Variants in ASTN1 observed in about 807,000 individuals in gnomAD.
The protein encoded by ASTN1 is astrotactin-1.
A neutral mutation model predicts 140.7 loss-of-function variants in ASTN1; 41 were observed. That is an observed-to-expected ratio of 0.29 (90% CI 0.23 to 0.38). The LOEUF (loss-of-function observed/expected upper bound fraction) is 0.38, where lower values mean the gene tolerates loss of function less well. Ranked by LOEUF, ASTN1 falls within the 10% of genes least tolerant of loss-of-function variation. ASTN1 has a pLI of 1.00. For missense variants in ASTN1, 1,479 were observed against 1,678.8 expected (o/e 0.88, Z 2.08); for synonymous variants, 640 against 652.2 (o/e 0.98, Z 0.29).
At chr1:176,888,941 A>C (rs1669152515) in intron 17 of ASTN1, among the ~76,000 whole-genome samples, 1 of 152,244 alleles carries the variant, frequency 6.6e-6, no homozygotes, top group South Asian at 2.1e-4. Context: ...TAAATCTAAT[A>C]ATATGTGCCA....
chr1:176,933,752 AAGGG>A (rs1221118624), intron 16 of ASTN1, among the ~76,000 whole-genome samples: 1 of 152,172 alleles, frequency 6.6e-6, no homozygotes, highest in African/African-American at 2.4e-5. Context: ...AGCTGCTATA[AAGGG>A]ATTCCAGGCA....
intron 8 of ASTN1, among the ~76,000 whole-genome samples, chr1:176,984,941 A>C (rs1673814422): frequency 6.6e-6 from 1 of 152,144 alleles, no homozygotes; most frequent in African/African-American, 2.4e-5. Context: ...GAGTGATCAG[A>C]CCAACATGCC....
At chr1:177,099,015 C>A (rs1413301064) in intron 1 of ASTN1, among the ~76,000 whole-genome samples, 1 of 152,214 alleles carries the variant, frequency 6.6e-6, no homozygotes, top group Non-Finnish European at 1.5e-5. Flanking sequence ...GGCTCTGTCT[C>A]TTAAAGGACC....
At chr1:176,898,051 T>C (rs1669600535) in intron 16 of ASTN1, among the ~76,000 whole-genome samples, 1 of 152,154 alleles carries the variant, frequency 6.6e-6, no homozygotes, top group Non-Finnish European at 1.5e-5. Flanking sequence ...CTGGGTCCTG[T>C]CATAGCTGTA....
At chr1:176,894,911 G>A in intron 16 of ASTN1, 81 bp from the exon 17 acceptor site, 2 of 1,561,492 alleles carry the variant, frequency 1.3e-6, no homozygotes, top group South Asian at 2.2e-5. Flanking sequence ...CTGAGTGCTG[G>A]GGTCCAATCT....
At chr1:177,024,464 T>C (rs1029641305) in intron 6 of ASTN1, 119 bp downstream of exon 6, 17 of 1,289,192 alleles carry the variant, frequency 1.3e-5, no homozygotes, top group Non-Finnish European at 1.6e-5. Flanking sequence ...TTATTTCAGT[T>C]TGGTTTTCCC....
At chr1:177,108,121 G>A (rs1680637453) in intron 1 of ASTN1, among the ~76,000 whole-genome samples, 1 of 152,050 alleles carries the variant, frequency 6.6e-6, no homozygotes, top group Non-Finnish European at 1.5e-5. Flanking sequence ...AAGCTGAGGT[G>A]GGCAGATCAC....
chr1:177,005,914 A>G (rs1674973107), intron 8 of ASTN1, among the ~76,000 whole-genome samples: 1 of 152,166 alleles, frequency 6.6e-6, no homozygotes, highest in Non-Finnish European at 1.5e-5. Flanking sequence ...CTGCCTAATG[A>G]CAGCAATTAA....
chr1:176,883,911 T>C (rs1668916228), intron 19 of ASTN1, among the ~76,000 whole-genome samples: 1 of 152,208 alleles, frequency 6.6e-6, no homozygotes, highest in Non-Finnish European at 1.5e-5. Flanking sequence ...AACACATCTG[T>C]TTGCACATGC....
At chr1:176,904,756 C>G (rs1179942770) in intron 16 of ASTN1, among the ~76,000 whole-genome samples, 1 of 152,136 alleles carries the variant, frequency 6.6e-6, no homozygotes, top group African/African-American at 2.4e-5. Flanking sequence ...AAAGAAGGAG[C>G]CTGGAAAGCT....
At position 176,862,936 on chromosome 1, in the gene ASTN1, T is replaced by C. The variant is rs1668014555; in HGVS notation, c.*1348A>G. On this transcript the variant is annotated 3_prime_UTR_variant, in exon 23 of 23. Coordinates refer to ENST00000361833, the MANE Select transcript of ASTN1 (RefSeq NM_004319.3). Reference sequence around the variant, plus strand: ...AGATGAGGAGCCCTGGTCAAAGGCATGGTGGCTGAAGGTGTGTGTTCAGGC... The same window carrying C: ...AGATGAGGAGCCCTGGTCAAAGGCACGGTGGCTGAAGGTGTGTGTTCAGGC... 5.1e-6 allele frequency: 5 copies of C among 985,362 alleles called. No homozygotes were observed. The highest frequency in any genetic ancestry group is 4.7e-5 in the South Asian group (1 of 21,294). 61.0% of individuals were successfully genotyped at this position (985,362 alleles called of 1,614,324 possible).
rs1168862192 is a variant in ASTN1, at chr1:176,997,257, T to TCA, written c.1523+17532_1523+17533dup. 2.6e-5 allele frequency among the ~76,000 whole-genome samples: 4 copies of TCA among 152,296 alleles called. No individual in the cohort carries two copies. In the East Asian group the frequency reaches 7.7e-4, roughly 29 times the overall value. ...AGCAGGTACTATTGTGATCCCTAGT[T>TCA]CACAGGGGAGGATGTTAAGGCACAG... is the stretch of plus-strand genomic sequence containing the variant. On this transcript the variant is annotated intron_variant, in intron 8 of 22. Coordinates refer to ENST00000361833, the MANE Select transcript of ASTN1 (RefSeq NM_004319.3).
At chr1:177,107,294 A>G (rs1680595851) in intron 1 of ASTN1, among the ~76,000 whole-genome samples, 1 of 152,156 alleles carries the variant, frequency 6.6e-6, no homozygotes, top group African/African-American at 2.4e-5. Flanking sequence ...ATAATACAAT[A>G]CACTCCATTC....
intron 21 of ASTN1, among the ~76,000 whole-genome samples, chr1:176,872,021 C>T (rs532247079): frequency 9.9e-5 from 15 of 152,110 alleles, no homozygotes; most frequent in Admixed American, 5.2e-4. Context: ...GAGACTGAGG[C>T]TCTCAGACCC....
At chr1:176,942,979 C>T (rs34029509) in intron 14 of ASTN1, among the ~76,000 whole-genome samples, 6,974 of 150,096 alleles carry the variant, frequency 0.046, 189 homozygotes, top group African/African-American at 0.072. Flanking sequence ...ACGTCCTCAA[C>T]CTTGGCAAAA....
At chr1:176,956,387 C>T (rs983528322) in intron 11 of ASTN1, among the ~76,000 whole-genome samples, 7 of 152,250 alleles carry the variant, frequency 4.6e-5, no homozygotes, top group East Asian at 1.9e-4. Context: ...GGCACATATC[C>T]GTCTTTGATT....
intron 16 of ASTN1, among the ~76,000 whole-genome samples, chr1:176,913,956 CT>C (rs562643914): frequency 8.7e-4 from 133 of 152,260 alleles, no homozygotes; most frequent in Middle Eastern, 6.8e-3. Flanking sequence ...AACAATTTAG[CT>C]AATGACTTAT....
intron 9 of ASTN1, among the ~76,000 whole-genome samples, chr1:176,961,939 C>T (rs146784244): frequency 0.013 from 2,019 of 152,314 alleles, 20 homozygotes; most frequent in Middle Eastern, 0.02. Context: ...CTGTGTTCAA[C>T]TAGAGCTAGA....
At chr1:177,044,749 G>T (rs975345879) in intron 2 of ASTN1, among the ~76,000 whole-genome samples, 1 of 152,232 alleles carries the variant, frequency 6.6e-6, no homozygotes, top group Non-Finnish European at 1.5e-5. Flanking sequence ...GACATCATCC[G>T]CTGGGCCAGT....
Sources: allele counts gnomAD v4.1 joint callset (sites outside exome capture counted in the v4.1 genomes callset), GRCh38; gene constraint gnomAD v4.1.1; transcripts MANE v1.5; gene names NCBI Gene and HGNC (gene_info 2026-07-23, HGNC 2026-07-21).